Variants in ALK observed in about 807,000 individuals in gnomAD.
ALK encodes ALK receptor tyrosine kinase, also known as ALK tyrosine kinase receptor.
ALK carries 74 observed loss-of-function variants against 163.1 expected under a neutral mutation model. That is an observed-to-expected ratio of 0.45 (90% confidence interval 0.38 to 0.55). The LOEUF (loss-of-function observed/expected upper bound fraction) is 0.55, where lower values mean the gene tolerates loss of function less well. Among genes scored for constraint, ALK ranks in the 20% least tolerant of loss-of-function variants. The pLI, the probability that ALK is intolerant of heterozygous loss-of-function variation, is 0.00. For synonymous variants in ALK, 960 were observed against 843.2 expected (o/e 1.14, Z -2.40); for missense variants, 2,063 against 2,105.3 (o/e 0.98, Z 0.39).
At chr2:29,378,694 T>C (rs1159282717) in intron 5 of ALK, among the ~76,000 whole-genome samples, 4 of 152,066 alleles carry the variant, frequency 2.6e-5, no homozygotes, top group East Asian at 1.9e-4. Context: ...AGGGCCATGC[T>C]GATCCTCCCC....
At chr2:29,198,637 C>A (rs1386119018) in intron 26 of ALK, among the ~76,000 whole-genome samples, 3 of 152,204 alleles carry the variant, frequency 2.0e-5, no homozygotes. Context: ...CTCTGTTCAT[C>A]TACCAGCACC....
chr2:29,193,474 C>A lies in ALK; in HGVS notation c.4613G>T (p.Ser1538Ile), dbSNP rs1553386937. Residue 1538 changes from serine to isoleucine, a missense_variant, in exon 29 of 29, where the codon AGC becomes ATC. By Grantham distance (142) the Ser-to-Ile change is moderately radical. Around this residue, in one of 5 missense-constraint regions of ALK, gnomAD observed 403 missense variants for 366.2 expected, o/e 1.10. Coordinates refer to ENST00000389048, the MANE Select transcript of ALK (RefSeq NM_004304.5). ...TGCAACGTTAGGTGGGACAGTACAG[C>A]TTCCCTCCAGCCCCAGGTTACCCCT... ...HDRGNLGLEG[S>I]CTVPPNVATG... 1 of 1,614,196 alleles carries A rather than the reference C, an allele frequency of 6.2e-7. No homozygotes were observed. Among genetic ancestry groups the A allele is most frequent in the Non-Finnish European group, 8.5e-7 (1 of 1,180,036 alleles).
chr2:29,838,383 C>A (rs4130303), intron 1 of ALK, among the ~76,000 whole-genome samples: 1 of 151,956 alleles, frequency 6.6e-6, no homozygotes, highest in Non-Finnish European at 1.5e-5. Flanking sequence ...ATGAAACCCA[C>A]ACATGATAAA....
At chr2:29,487,351 ACAGCTGT>A in intron 4 of ALK, among the ~76,000 whole-genome samples, 1 of 152,310 alleles carries the variant, frequency 6.6e-6, no homozygotes, top group African/African-American at 2.4e-5. Context: ...ATACCCCCAG[ACAGCTGT>A]CTGTGGCCAC....
rs370539502 is a variant in ALK, at chr2:29,691,913, T to C, written c.952+2937A>G. Among the ~76,000 whole-genome samples, 41 of 152,334 alleles carry C rather than the reference T, an allele frequency of 2.7e-4. No individual in the cohort carries two copies. In the South Asian group the frequency reaches 8.5e-3, roughly 32 times the overall value. On this transcript the variant is annotated intron_variant, in intron 3 of 28. Coordinates refer to ENST00000389048, the MANE Select transcript of ALK (RefSeq NM_004304.5). ...CACAATTTCCACTTGTCCCTGTCTCTTGATCTCACTGAACTGTAATCACAG... is the reference window on the plus strand; with the variant it reads ...CACAATTTCCACTTGTCCCTGTCTCCTGATCTCACTGAACTGTAATCACAG...
At chr2:29,859,072 A>T (rs1422975404) in intron 1 of ALK, among the ~76,000 whole-genome samples, 1 of 152,120 alleles carries the variant, frequency 6.6e-6, no homozygotes, top group Admixed American at 6.5e-5. Context: ...AAAAGTTCTG[A>T]CCCAGTTGAT....
At chr2:29,635,007 A>G (rs1475832593) in intron 3 of ALK, among the ~76,000 whole-genome samples, 2 of 152,218 alleles carry the variant, frequency 1.3e-5, no homozygotes, top group Non-Finnish European at 2.9e-5. Flanking sequence ...ACACCCAGGC[A>G]TCAAAATTAG....
intron 11 of ALK, among the ~76,000 whole-genome samples, chr2:29,265,139 C>A (rs1665186207): frequency 6.6e-6 from 1 of 152,120 alleles, no homozygotes; most frequent in Non-Finnish European, 1.5e-5. Flanking sequence ...CGTGCCTTGG[C>A]CTCTCAAGTA....
intron 1 of ALK, among the ~76,000 whole-genome samples, chr2:29,745,975 T>A (rs565779166): frequency 1.3e-5 from 2 of 152,182 alleles, no homozygotes; most frequent in Non-Finnish European, 2.9e-5. Context: ...TCAGGTATAA[T>A]AATAGCAATC....
chr2:29,704,537 A>G (rs142202404), intron 2 of ALK, among the ~76,000 whole-genome samples: 1 of 152,368 alleles, frequency 6.6e-6, no homozygotes, highest in East Asian at 1.9e-4. Context: ...AAACAAGTAG[A>G]AAAATTCTGA....
intron 12 of ALK, among the ~76,000 whole-genome samples, chr2:29,240,152 CAGAG>C (rs3054022): frequency 0.063 from 9,074 of 143,380 alleles, 319 homozygotes; most frequent in Non-Finnish European, 0.088. Context: ...AGGGAAACAG[CAGAG>C]AGAGAGAGAG....
chr2:29,667,966 T>G (rs1677568841), intron 3 of ALK, among the ~76,000 whole-genome samples: 1 of 152,130 alleles, frequency 6.6e-6, no homozygotes, highest in Non-Finnish European at 1.5e-5. Flanking sequence ...ATCTCATTAC[T>G]CATTATTAGT....
At chr2:29,367,321 C>A (rs1189187138) in intron 5 of ALK, among the ~76,000 whole-genome samples, 1 of 152,114 alleles carries the variant, frequency 6.6e-6, no homozygotes, top group Non-Finnish European at 1.5e-5. Context: ...GGGCAGGGAG[C>A]AGTCAAAGAA....
intron 1 of ALK, among the ~76,000 whole-genome samples, chr2:29,768,148 G>A (rs928783803): frequency 2.0e-5 from 3 of 152,170 alleles, no homozygotes; most frequent in Non-Finnish European, 4.4e-5. Context: ...TGGCCACGTC[G>A]CTGGCTCTGC....
rs115646603 is a variant in ALK, at chr2:29,843,112, C to A, written c.667+76881G>T. 2.8e-3 allele frequency among the ~76,000 whole-genome samples: 428 copies of A among 151,834 alleles called. 4 individuals carry two copies. Among genetic ancestry groups the A allele is most frequent in the African/African-American group, 1.0e-2 (412 of 41,368 alleles). The stretch of plus-strand genomic sequence containing the variant: ...TGATTGGGTAAGAAAAATATTGGGG[C>A]TTGAGACTTCAGTAATACCAATATT... On this transcript the variant is annotated intron_variant, in intron 1 of 28. Transcript: ENST00000389048.
At chr2:29,831,929 G>A (rs1463957314) in intron 1 of ALK, among the ~76,000 whole-genome samples, 5 of 152,190 alleles carry the variant, frequency 3.3e-5, no homozygotes, top group Admixed American at 3.3e-4. Flanking sequence ...GAAAATGTTA[G>A]AAAAGTAGGG....
intron 9 of ALK, among the ~76,000 whole-genome samples, chr2:29,278,404 G>A (rs1012757938): frequency 2.0e-5 from 3 of 152,186 alleles, no homozygotes; most frequent in Admixed American, 6.5e-5. Flanking sequence ...AATTGTGATG[G>A]GAGTAGTAAG....
At chr2:29,740,140 A>G (rs936887178) in intron 1 of ALK, among the ~76,000 whole-genome samples, 1 of 152,116 alleles carries the variant, frequency 6.6e-6, no homozygotes, top group African/African-American at 2.4e-5. Context: ...TGTTGTTTCA[A>G]GTCTCTACTT....
At chr2:29,206,706 C>A (rs1031081175) in intron 26 of ALK, among the ~76,000 whole-genome samples, 1 of 152,062 alleles carries the variant, frequency 6.6e-6, no homozygotes, top group Non-Finnish European at 1.5e-5. Context: ...TTCATGACTT[C>A]CCAGTTTCCA....
Sources: gnomAD v4.1 joint callset for allele counts (sites outside exome capture counted in the v4.1 genomes callset) on GRCh38, gnomAD v4.1.1 for gene constraint, gnomAD v4.1.1 regional missense constraint, MANE v1.5 for transcripts, NCBI Gene and HGNC (gene_info 2026-07-23, HGNC 2026-07-21) for gene names.